KIF4A: variants seen among roughly 807,000 people sequenced by gnomAD.
KIF4A encodes kinesin family member 4A.
Under a neutral mutation model 105.9 loss-of-function variants are expected in KIF4A, and 7 were observed. The ratio of observed to expected loss-of-function variants is 0.07; its 90% CI spans 0.04 to 0.12. KIF4A has a LOEUF of 0.12. Ranked by LOEUF, KIF4A falls within the 10% of genes least tolerant of loss-of-function variation. The probability of loss-of-function intolerance (pLI) is 1.00; values close to 1 mark genes in which losing one functional copy is unlikely to be tolerated. For missense variants in KIF4A, 558 were observed against 929.2 expected (o/e 0.60, Z 5.19); for synonymous variants, 281 against 331.3 (o/e 0.85, Z 1.65).
At chrX:70,333,329 A>G (rs1429996082) in intron 9 of KIF4A, among the ~76,000 whole-genome samples, 4 of 110,131 alleles carry the variant, frequency 3.6e-5, no homozygotes, top group Admixed American at 2.9e-4. Context: ...CCAAAAAAAA[A>G]AAAAAGAAAA....
At position 70,396,014 on chromosome X, in the gene KIF4A, G is replaced by A; in HGVS notation, c.2454G>A (p.Lys818=). 8.3e-7 allele frequency: 1 copy of A among 1,206,836 alleles called. No homozygotes were observed. Among genetic ancestry groups the A allele is most frequent in the Non-Finnish European group, 1.1e-6 (1 of 891,544 alleles). The part of the protein sequence containing the change: ...QVSESEDSIT[K]QIESLETEME... ...CGGAGTCAGAAGATTCTATTACAAA[G>A]CAGATTGAAAGCCTAGAGACTGAAA... is the stretch of plus-strand genomic sequence containing the variant. Residue 818 remains lysine (K), a synonymous_variant, in exon 22 of 31, where the codon AAG becomes AAA. Transcript: ENST00000374403.
chrX:70,410,243 T>C (rs967956829), intron 28 of KIF4A, among the ~76,000 whole-genome samples: 2 of 111,846 alleles, frequency 1.8e-5, no homozygotes, highest in African/African-American at 6.5e-5. Flanking sequence ...TATTACTGCT[T>C]CAACCCAGCT....
chrX:70,323,211 CTTTG>C (rs768760722), intron 7 of KIF4A, among the ~76,000 whole-genome samples: 51 of 111,261 alleles, frequency 4.6e-4, no homozygotes, highest in African/African-American at 1.6e-3. Context: ...CTTAAAGAAA[CTTTG>C]TTTGACCATC....
At chrX:70,373,093 G>A (rs896435508) in intron 15 of KIF4A, among the ~76,000 whole-genome samples, 17 of 109,269 alleles carry the variant, frequency 1.6e-4, no homozygotes, top group South Asian at 4.0e-4. Context: ...GCAACATGGC[G>A]AAACCCCATC....
chrX:70,356,601 G>A (rs901168260), intron 15 of KIF4A, among the ~76,000 whole-genome samples: 2 of 111,999 alleles, frequency 1.8e-5, no homozygotes, highest in African/African-American at 6.5e-5. Context: ...TTTTATCTAT[G>A]TCAAACAAAT....
intron 29 of KIF4A, 119 bp downstream of exon 29, chrX:70,418,123 C>T: frequency 1.9e-6 from 1 of 530,455 alleles, no homozygotes; most frequent in Non-Finnish European, 3.1e-6. Context: ...CAACCCTTCT[C>T]CTTCCCTCTG....
chrX:70,408,279 T>G (rs909922704), intron 28 of KIF4A, among the ~76,000 whole-genome samples: 1 of 111,235 alleles, frequency 9.0e-6, no homozygotes, highest in African/African-American at 3.3e-5. Flanking sequence ...AGTGGGTACT[T>G]TATCTTTGCC....
At chrX:70,311,136 A>T (rs1478599367) in intron 7 of KIF4A, among the ~76,000 whole-genome samples, 1 of 109,293 alleles carries the variant, frequency 9.1e-6, no homozygotes, top group Non-Finnish European at 1.9e-5. Context: ...AAAAAAAAAA[A>T]GAAGAAGAAG....
Position 70,375,313 on chromosome X carries a change from G to A in KIF4A, c.1888G>A (p.Glu630Lys). Residue 630 changes from glutamate (E) to lysine (K), a missense_variant, in exon 17 of 31, where the codon GAG (glutamate) becomes AAG (lysine). This residue lies in a region of KIF4A where 469 missense variants were observed against 680.4 expected (regional missense o/e 0.69). Transcript: ENST00000374403. Reference protein sequence around the residue: ...SKLLKLKESTERTVSKLNQEI... With the variant: ...SKLLKLKESTKRTVSKLNQEI... ...ACTTCTGAAACTAAAGGAATCCACA[G>A]AGCGTACTGTCTCCAAACTGAACCA... 8.3e-7 allele frequency: 1 copy of A among 1,211,265 alleles called. No homozygotes were observed. The highest frequency in any genetic ancestry group is 1.1e-6 in the Non-Finnish European group (1 of 895,030).
At chrX:70,376,796 G>A (rs2086176767) in intron 18 of KIF4A, among the ~76,000 whole-genome samples, 1 of 112,078 alleles carries the variant, frequency 8.9e-6, no homozygotes, top group African/African-American at 3.2e-5. Flanking sequence ...CATTTTGTTA[G>A]TAGCATAAAG....
chrX:70,331,706 A>G (rs950920453), intron 9 of KIF4A, among the ~76,000 whole-genome samples: 4 of 111,715 alleles, frequency 3.6e-5, no homozygotes, highest in Non-Finnish European at 7.5e-5. Context: ...ATGTGCCTGT[A>G]TTCCAGGATG....
At chrX:70,388,740 T>G (rs1394652084) in intron 20 of KIF4A, among the ~76,000 whole-genome samples, 1 of 112,120 alleles carries the variant, frequency 8.9e-6, no homozygotes, top group Non-Finnish European at 1.9e-5. Flanking sequence ...TAAATTGGGT[T>G]GTTTATCTTT....
intron 9 of KIF4A, among the ~76,000 whole-genome samples, chrX:70,330,953 A>G (rs2085927904): frequency 8.9e-6 from 1 of 111,817 alleles, no homozygotes; most frequent in Non-Finnish European, 1.9e-5. Flanking sequence ...GGACTGGACT[A>G]TGCATCTACA....
chrX:70,299,059 GA>G, intron 4 of KIF4A, 53 bp from the exon 5 acceptor site: 1 of 965,949 alleles, frequency 1.0e-6, no homozygotes, highest in Non-Finnish European at 1.4e-6. Context: ...TCACCACCCA[GA>G]GATTACCACT....
intron 15 of KIF4A, among the ~76,000 whole-genome samples, chrX:70,372,102 C>T (rs1342926190): frequency 2.2e-4 from 24 of 107,013 alleles, no homozygotes; most frequent in East Asian, 1.5e-3. Context: ...CGGGAAGAGG[C>T]GCTCCTCACT....
At chrX:70,365,368 T>A (rs1049320297) in intron 15 of KIF4A, among the ~76,000 whole-genome samples, 103 of 111,737 alleles carry the variant, frequency 9.2e-4, no homozygotes, top group African/African-American at 3.1e-3. Flanking sequence ...AGTATGATAT[T>A]GGCTGTGGGT....
chrX:70,341,736 C>A, intron 10 of KIF4A, 63 bp from the exon 11 acceptor site: 2 of 1,100,196 alleles, frequency 1.8e-6, no homozygotes, highest in Non-Finnish European at 2.5e-6. Flanking sequence ...ATATTTTTAT[C>A]CACCTTTGAT....
chrX:70,363,329 G>A (rs932056037), intron 15 of KIF4A, among the ~76,000 whole-genome samples: 1 of 110,275 alleles, frequency 9.1e-6, no homozygotes, highest in Non-Finnish European at 1.9e-5. Flanking sequence ...GTGCCATGTT[G>A]GTGTGCTGCA....
intron 20 of KIF4A, among the ~76,000 whole-genome samples, chrX:70,394,289 G>A (rs191947429): frequency 6.4e-5 from 7 of 108,584 alleles, no homozygotes; most frequent in South Asian, 4.1e-4. Flanking sequence ...CTGTAACCTC[G>A]GATACCTGGA....
Sources: gnomAD v4.1 joint callset for allele counts (sites outside exome capture counted in the v4.1 genomes callset) on GRCh38, gnomAD v4.1.1 for gene constraint, gnomAD v4.1.1 regional missense constraint, MANE v1.5 for transcripts, NCBI Gene and HGNC (gene_info 2026-07-23, HGNC 2026-07-21) for gene names.